TBC1D12: variants seen among roughly 807,000 people sequenced by gnomAD.
TBC1D12 encodes TBC1 domain family member 12.
TBC1D12 carries 56 observed loss-of-function variants against 86.7 expected under a neutral mutation model. That is an observed-to-expected ratio of 0.65 (90% CI 0.52 to 0.81). The LOEUF (loss-of-function observed/expected upper bound fraction) is 0.81. Among genes scored for constraint, TBC1D12 ranks in the 30% least tolerant of loss-of-function variants. The pLI is 0.00. For missense variants in TBC1D12, 1,023 were observed against 1,038.8 expected (o/e 0.98, Z 0.21); for synonymous variants, 421 against 411.7 (o/e 1.02, Z -0.27).
At chr10:94,463,918 C>T (rs956105630) in intron 2 of TBC1D12, among the ~76,000 whole-genome samples, 1 of 152,008 alleles carries the variant, frequency 6.6e-6, no homozygotes, top group Admixed American at 6.5e-5. Flanking sequence ...GTTATTTCTC[C>T]TTTCATTTCT....
chr10:94,472,038 G>A (rs1358475817), intron 2 of TBC1D12, among the ~76,000 whole-genome samples: 2 of 151,966 alleles, frequency 1.3e-5, no homozygotes, highest in African/African-American at 2.4e-5. Context: ...AAGTGGATTG[G>A]GGATTCAGGC....
In TBC1D12 at chr10:94,444,124, C is replaced by G. The variant is rs577363581; in HGVS notation, c.1095+2105C>G. Among the ~76,000 whole-genome samples the G allele has an allele frequency of 9.0e-4, 134 of 148,250 alleles. 2 individuals carry two copies. In the South Asian group the frequency reaches 0.029, roughly 32 times the overall value. On this transcript the variant is annotated intron_variant, in intron 2 of 12. Coordinates refer to ENST00000225235, the MANE Select transcript of TBC1D12 (RefSeq NM_015188.2). ...GGTGGAGGTTGCAGTGAGCCAAGAT[C>G]ATGCCACTGCACTTCAGCCTGGGTG...
chr10:94,524,995 G>T (rs1337069229), intron 11 of TBC1D12, among the ~76,000 whole-genome samples: 1 of 151,868 alleles, frequency 6.6e-6, no homozygotes, highest in Admixed American at 6.6e-5. Flanking sequence ...CTGGATAATT[G>T]ATACTGAAAT....
chr10:94,519,943 C>A (rs1842099119), intron 9 of TBC1D12, among the ~76,000 whole-genome samples: 1 of 152,160 alleles, frequency 6.6e-6, no homozygotes, highest in South Asian at 2.1e-4. Flanking sequence ...TTCATAGCTT[C>A]TGGTTATTAA....
At chr10:94,403,631 C>CCGGAGCCGGGGT (rs768722829) in intron 1 of TBC1D12, 47 bp downstream of exon 1, 12 of 1,404,904 alleles carry the variant, frequency 8.5e-6, no homozygotes, top group Non-Finnish European at 1.1e-5. Context: ...GGGGCCGGGG[C>CCGGAGCCGGGGT]CGGAGCCGGG....
At chr10:94,421,088 T>C (rs945670865) in intron 1 of TBC1D12, among the ~76,000 whole-genome samples, 2 of 152,144 alleles carry the variant, frequency 1.3e-5, no homozygotes, top group African/African-American at 4.8e-5. Flanking sequence ...CCAAAACTTA[T>C]TCCTCCTATC....
At chr10:94,457,269 CT>C (rs1279273544) in intron 2 of TBC1D12, among the ~76,000 whole-genome samples, 1 of 152,122 alleles carries the variant, frequency 6.6e-6, no homozygotes, top group Non-Finnish European at 1.5e-5. Flanking sequence ...TCCCCACCCC[CT>C]GACAGGCCCC....
At chr10:94,515,282 C>T (rs12220941) in intron 9 of TBC1D12, among the ~76,000 whole-genome samples, 23,615 of 151,818 alleles carry the variant, frequency 0.16, 2,171 homozygotes, top group East Asian at 0.38. Context: ...AAGCAGTCCC[C>T]GCTTATCCTC....
intron 1 of TBC1D12, among the ~76,000 whole-genome samples, chr10:94,431,072 A>G (rs779870918): frequency 3.3e-5 from 5 of 152,126 alleles, no homozygotes; most frequent in Non-Finnish European, 5.9e-5. Flanking sequence ...GATTAACACT[A>G]CCATTCCCTG....
At chr10:94,463,286 G>T (rs1358643376) in intron 2 of TBC1D12, among the ~76,000 whole-genome samples, 22 of 152,172 alleles carry the variant, frequency 1.4e-4, no homozygotes. Flanking sequence ...ATAAAGAAAG[G>T]GAATTTATTT....
intron 1 of TBC1D12, among the ~76,000 whole-genome samples, chr10:94,436,688 A>G (rs1291028446): frequency 6.6e-6 from 1 of 151,980 alleles, no homozygotes; most frequent in Non-Finnish European, 1.5e-5. Flanking sequence ...TTCTTCTCAC[A>G]TACCTTGTAT....
chr10:94,529,664 C>A (rs577542787), intron 11 of TBC1D12, among the ~76,000 whole-genome samples: 2 of 152,060 alleles, frequency 1.3e-5, no homozygotes, highest in South Asian at 4.2e-4. Flanking sequence ...CCCCCAAGAG[C>A]ATTAGAGTTA....
intron 9 of TBC1D12, 133 bp downstream of exon 9, chr10:94,511,787 C>G: frequency 1.5e-6 from 1 of 674,544 alleles, no homozygotes; most frequent in Non-Finnish European, 2.5e-6. Context: ...ATCAATTTAC[C>G]CAGTGAAGAA....
intron 2 of TBC1D12, among the ~76,000 whole-genome samples, chr10:94,465,075 T>C (rs1392092539): frequency 6.6e-6 from 1 of 152,216 alleles, no homozygotes; most frequent in Non-Finnish European, 1.5e-5. Flanking sequence ...CACTCCAAAA[T>C]TCATCAAGTG....
chr10:94,455,435 G>C (rs752500455), intron 2 of TBC1D12, among the ~76,000 whole-genome samples: 4 of 152,106 alleles, frequency 2.6e-5, no homozygotes, highest in Admixed American at 6.6e-5. Context: ...CTCTCCATCT[G>C]TCTTGTGGAA....
At position 94,403,089 on chromosome 10, in the gene TBC1D12, G is replaced by A; in HGVS notation, c.476G>A (p.Gly159Asp). 1 of 1,423,774 alleles carries A rather than the reference G, an allele frequency of 7.0e-7. No individual in the cohort carries two copies. Among genetic ancestry groups the A allele is most frequent in the Non-Finnish European group, 9.2e-7 (1 of 1,092,526 alleles). 88.2% of individuals were successfully genotyped at this position (1,423,774 alleles called of 1,614,324 possible). ...GAGGCTCGCGGGCTGGCGCGCGCCG[G>A]CGGCCGGGAGTCGCGCCGCCGCCGC... The part of the protein sequence containing the change: ...LEEARGLARA[G>D]GRESRRRRPY... Residue 159 changes from glycine (G) to aspartate (D), a missense_variant, in exon 1 of 13, where the codon GGC (glycine) becomes GAC (aspartate). By Grantham distance (94) the Gly-to-Asp change is moderately conservative. This residue lies in a region of TBC1D12 where 628 missense variants were observed against 531.1 expected (regional missense o/e 1.18). Transcript: ENST00000225235.
At chr10:94,487,743 C>T (rs1308310471) in intron 3 of TBC1D12, among the ~76,000 whole-genome samples, 3 of 143,064 alleles carry the variant, frequency 2.1e-5, no homozygotes, top group Non-Finnish European at 4.5e-5. Context: ...GTCACCCCAG[C>T]TGGAGTGCAG....
chr10:94,442,883 T>G (rs2134092040), intron 2 of TBC1D12, among the ~76,000 whole-genome samples: 1 of 152,354 alleles, frequency 6.6e-6, no homozygotes, highest in South Asian at 2.1e-4. Context: ...GAAGAAAAAC[T>G]GGTTTTCCAA....
chr10:94,505,934 G>T (rs1348619212), intron 6 of TBC1D12, among the ~76,000 whole-genome samples: 1 of 152,016 alleles, frequency 6.6e-6, no homozygotes, highest in South Asian at 2.1e-4. Flanking sequence ...GTATATGCTT[G>T]TGCATGCATA....
Sources: allele counts gnomAD v4.1 joint callset (sites outside exome capture counted in the v4.1 genomes callset), GRCh38; gene constraint gnomAD v4.1.1; regional missense constraint gnomAD v4.1.1; transcripts MANE v1.5; gene names NCBI Gene and HGNC (gene_info 2026-07-23, HGNC 2026-07-21).